DNAH11: variants seen among roughly 807,000 people sequenced by gnomAD.
DNAH11 encodes dynein axonemal heavy chain 11.
In DNAH11, 442 loss-of-function variants were observed where a neutral mutation model predicts 526.0. The observed-to-expected ratio is 0.84, with a 90% confidence interval of 0.78 to 0.91. The LOEUF (loss-of-function observed/expected upper bound fraction) is 0.91, where lower values mean the gene tolerates loss of function less well. Ranked by LOEUF, DNAH11 falls within the 40% of genes least tolerant of loss-of-function variation. The pLI, the probability that DNAH11 is intolerant of heterozygous loss-of-function variation, is 0.00. For synonymous variants in DNAH11, 2,461 were observed against 1,935.9 expected (o/e 1.27, Z -7.12); for missense variants, 6,989 against 5,448.7 (o/e 1.28, Z -8.90).
At chr7:21,597,339 C>A (rs1007934961) in intron 14 of DNAH11, among the ~76,000 whole-genome samples, 2 of 152,156 alleles carry the variant, frequency 1.3e-5, no homozygotes, top group African/African-American at 4.8e-5. Flanking sequence ...CTAGTCCTAG[C>A]TCAGCTATTA....
In DNAH11 at chr7:21,873,540, G is replaced by C. The variant is rs757489539; in HGVS notation, c.12195+39G>C. ...GCAGGCTAGGCAGACAATGAAGTCA[G>C]AGTCATCTCACAAGACTGTGGGGCC... is the stretch of plus-strand genomic sequence containing the variant. On this transcript the variant is annotated intron_variant, in intron 74 of 81. Coordinates refer to ENST00000409508, the MANE Select transcript of DNAH11 (RefSeq NM_001277115.2). The C allele has an allele frequency of 9.4e-6, 15 of 1,593,574 alleles. No individual in the cohort carries two copies. In the South Asian group the frequency reaches 1.2e-4, roughly 13 times the overall value.
rs773165066 is a variant in DNAH11 at position 21,687,513 on chromosome 7, A to C, written c.5910A>C (p.Arg1970Ser). The C allele has an allele frequency of 6.7e-5, 108 of 1,613,338 alleles. No individual in the cohort carries two copies. The highest frequency in any genetic ancestry group is 8.9e-5 in the Non-Finnish European group (105 of 1,179,692). Reference sequence around the variant, plus strand: ...TGAAAATGATTCATGATGCCATCAGAAACAGGAAGAAGAGGTGAGTGGCAT... The same window carrying C: ...TGAAAATGATTCATGATGCCATCAGCAACAGGAAGAAGAGGTGAGTGGCAT... ...VQVKMIHDAI[R>S]NRKKRFVFLG... Residue 1970 changes from arginine to serine, a missense_variant, in exon 34 of 82, where the codon AGA (arginine) becomes AGC (serine). Arg to Ser is a moderately radical substitution (Grantham distance 110). Transcript: ENST00000409508.
In DNAH11 at chr7:21,830,572, T is replaced by C. The variant is rs998553131; in HGVS notation, c.10692-11972T>C. Among the ~76,000 whole-genome samples the C allele has an allele frequency of 3.9e-5, 6 of 152,218 alleles. No individual in the cohort carries two copies. In the South Asian group the frequency reaches 1.2e-3, roughly 32 times the overall value. On this transcript the variant is annotated intron_variant, in intron 65 of 81. Coordinates refer to ENST00000409508, the MANE Select transcript of DNAH11 (RefSeq NM_001277115.2). ...TGTCAGAGCAAATTAACCTGCAATG[T>C]TATGCAGTGAAATGAACTTTATACT...
At chr7:21,884,560 G>A (rs1037381356) in intron 76 of DNAH11, 150 bp downstream of exon 76, 13 of 861,302 alleles carry the variant, frequency 1.5e-5, no homozygotes, top group African/African-American at 1.2e-4. Context: ...GCGGAATCTC[G>A]GGTTCCATCC....
At chr7:21,794,280 A>G (rs1788610245) in intron 61 of DNAH11, among the ~76,000 whole-genome samples, 1 of 152,130 alleles carries the variant, frequency 6.6e-6, no homozygotes, top group Non-Finnish European at 1.5e-5. Context: ...TGGAGAGGTC[A>G]TGGCTCCCTG....
rs1060503041 is a variant in DNAH11 at position 21,748,743 on chromosome 7, G to A, written c.8673+1G>A. ...GGGCTATGGAATCCAGGAACTTCGG[G>A]TGAGTCAAGGGGACAGGCAGTTCTT... On this transcript the variant is annotated splice_donor_variant, in intron 52 of 81. Transcript: ENST00000409508. LOFTEE classifies it high-confidence loss of function. The A allele has an allele frequency of 6.2e-7, 1 of 1,613,114 alleles. No homozygotes were observed. The highest frequency in any genetic ancestry group is 8.5e-7 in the Non-Finnish European group (1 of 1,179,420).
chr7:21,798,054 T>C (rs7798041), intron 61 of DNAH11, among the ~76,000 whole-genome samples: 2,028 of 152,148 alleles, frequency 0.013, 41 homozygotes, highest in African/African-American at 0.046. Context: ...GAAAAATGAG[T>C]CCACACCACC....
rs1583767388 is a variant in DNAH11 at position 21,847,592 on chromosome 7, T to C, written c.10896+4844T>C. ...TAAACCTTTTTGGTGTGTTACTTGG[T>C]CCATCTTGGCAAATGTTCCATGTGA... On this transcript the variant is annotated intron_variant, in intron 66 of 81. Coordinates refer to ENST00000409508, the MANE Select transcript of DNAH11 (RefSeq NM_001277115.2). Among the ~76,000 whole-genome samples, 3 of 152,314 alleles carry C rather than the reference T, an allele frequency of 2.0e-5. No individual in the cohort carries two copies. The East Asian group carries it at 5.8e-4, about 29-fold the overall frequency.
At chr7:21,660,581 G>A (rs573660074) in intron 30 of DNAH11, among the ~76,000 whole-genome samples, 216 of 151,722 alleles carry the variant, frequency 1.4e-3, no homozygotes, top group African/African-American at 4.9e-3. Context: ...TGAAAAGAAG[G>A]GACATAACAT....
intron 26 of DNAH11, among the ~76,000 whole-genome samples, chr7:21,637,268 TC>T (rs1786909739): frequency 6.6e-6 from 1 of 151,898 alleles, no homozygotes; most frequent in Non-Finnish European, 1.5e-5. Flanking sequence ...CCTACTTGTC[TC>T]CCTTTCTCTT....
Position 21,899,969 on chromosome 7 carries a change from T to A in DNAH11, c.13163-11T>A, listed in dbSNP as rs1351139321. The A allele has an allele frequency of 9.3e-6, 15 of 1,612,550 alleles. No homozygotes were observed. Among genetic ancestry groups the A allele is most frequent in the Non-Finnish European group, 1.3e-5 (15 of 1,179,540 alleles). Reference sequence around the variant, plus strand: ...CTTTTATCCTATTCAATTTTTGTTATATTTCCAAAGCAATCATGCAGACGA... The same window carrying A: ...CTTTTATCCTATTCAATTTTTGTTAAATTTCCAAAGCAATCATGCAGACGA... On this transcript the variant is annotated splice_polypyrimidine_tract_variant and intron_variant, in intron 80 of 81. Coordinates refer to ENST00000409508, the MANE Select transcript of DNAH11 (RefSeq NM_001277115.2).
At chr7:21,837,541 A>T (rs996889997) in intron 65 of DNAH11, among the ~76,000 whole-genome samples, 1 of 152,160 alleles carries the variant, frequency 6.6e-6, no homozygotes, top group Non-Finnish European at 1.5e-5. Flanking sequence ...GAAGTAGAGT[A>T]GAAAAATGGT....
chr7:21,546,315 T>C (rs1461313363), intron 2 of DNAH11, among the ~76,000 whole-genome samples: 1 of 152,228 alleles, frequency 6.6e-6, no homozygotes, highest in African/African-American at 2.4e-5. Flanking sequence ...TGAATTTAAT[T>C]GGCTTTAGCT....
chr7:21,628,064 G>A (rs1786431300), intron 25 of DNAH11, among the ~76,000 whole-genome samples: 1 of 151,884 alleles, frequency 6.6e-6, no homozygotes, highest in African/African-American at 2.4e-5. Context: ...AAATGTGATT[G>A]CCTTCTTGAT....
In DNAH11 at chr7:21,698,076, C is replaced by T. The variant is rs757341282; in HGVS notation, c.6043C>T (p.Pro2015Ser). The T allele has an allele frequency of 1.9e-6, 3 of 1,609,744 alleles. No individual in the cohort carries two copies. The highest frequency in any genetic ancestry group is 2.2e-5 in the East Asian group (1 of 44,850). The change falls in exon 36 of 82, where the codon CCC (proline) becomes TCC (serine). Residue 2015 changes from proline to serine, a missense_variant and splice_region_variant. Transcript: ENST00000409508. ...LPENLKALFRPCAMVAPDIEL... is the reference protein window; with the variant it reads ...LPENLKALFRSCAMVAPDIEL... ...CTAAAATTCTTATTTACTTTTTAGA[C>T]CCTGTGCCATGGTGGCCCCTGACAT...
At chr7:21,817,049 C>T (rs957422997) in intron 64 of DNAH11, among the ~76,000 whole-genome samples, 6 of 152,040 alleles carry the variant, frequency 3.9e-5, no homozygotes, top group South Asian at 4.1e-4. Flanking sequence ...AGGGTGCCTC[C>T]GGGCTTCATG....
intron 40 of DNAH11, among the ~76,000 whole-genome samples, chr7:21,710,154 A>G (rs1278921651): frequency 6.6e-6 from 1 of 152,194 alleles, no homozygotes; most frequent in East Asian, 1.9e-4. Flanking sequence ...AGAAAAATGG[A>G]GACAGGTGAA....
chr7:21,676,780 A>T (rs1782909196), intron 30 of DNAH11, among the ~76,000 whole-genome samples: 1 of 152,236 alleles, frequency 6.6e-6, no homozygotes. Flanking sequence ...TTTAAACCAA[A>T]TACTGGTAGT....
intron 49 of DNAH11, among the ~76,000 whole-genome samples, chr7:21,743,916 G>A (rs1786031844): frequency 6.6e-6 from 1 of 152,162 alleles, no homozygotes; most frequent in African/African-American, 2.4e-5. Context: ...AGGAGTGAGT[G>A]CGTGTGAATC....
Sources: allele counts gnomAD v4.1 joint callset (sites outside exome capture counted in the v4.1 genomes callset), GRCh38; gene constraint gnomAD v4.1.1; transcripts MANE v1.5; gene names NCBI Gene and HGNC (gene_info 2026-07-23, HGNC 2026-07-21).